The following PXDNL variants were observed in gnomAD, a reference collection of about 807,000 sequenced individuals.
PXDNL encodes peroxidasin like.
A neutral mutation model predicts 150.8 loss-of-function variants in PXDNL; 145 were observed. That is an observed-to-expected ratio of 0.96 (90% CI 0.84 to 1.10). The LOEUF is 1.10. PXDNL is among the 50% of genes least tolerant of loss of function. PXDNL has a pLI of 0.00. For synonymous variants in PXDNL, 757 were observed against 725.7 expected (o/e 1.04, Z -0.69); for missense variants, 2,087 against 1,873.9 (o/e 1.11, Z -2.10).
chr8:51,570,701 T>C (rs1366619864), intron 3 of PXDNL, among the ~76,000 whole-genome samples: 1 of 151,914 alleles, frequency 6.6e-6, no homozygotes, highest in African/African-American at 2.4e-5. Context: ...CTAACAATAG[T>C]GTATACTTAT....
Position 51,779,883 on chromosome 8 carries a change from C to T in PXDNL, c.164+29298G>A, listed in dbSNP as rs183284445. 5.9e-5 allele frequency among the ~76,000 whole-genome samples: 9 copies of T among 152,320 alleles called. No individual in the cohort carries two copies. The East Asian group carries it at 1.2e-3, about 20-fold the overall frequency. On this transcript the variant is annotated intron_variant, in intron 1 of 22. Coordinates refer to ENST00000356297, the MANE Select transcript of PXDNL (RefSeq NM_144651.5). The stretch of plus-strand genomic sequence containing the variant: ...CTGGCTTTTCAAAGCACTGTTCCCA[C>T]ACTCACACTGTAGTCACCAGACAGC...
At chr8:51,463,882 C>A (rs933718494) in intron 8 of PXDNL, among the ~76,000 whole-genome samples, 1 of 152,062 alleles carries the variant, frequency 6.6e-6, no homozygotes, top group East Asian at 1.9e-4. Context: ...TCAAAAAATT[C>A]TTTGAAATTC....
chr8:51,656,052 T>C (rs1327985355), intron 1 of PXDNL, among the ~76,000 whole-genome samples: 4 of 152,142 alleles, frequency 2.6e-5, no homozygotes, highest in Non-Finnish European at 5.9e-5. Context: ...TGCTTGGAAA[T>C]GTTAGGCCCA....
chr8:51,603,269 G>T (rs960587627), intron 2 of PXDNL, among the ~76,000 whole-genome samples: 1 of 151,242 alleles, frequency 6.6e-6, no homozygotes, highest in Non-Finnish European at 1.5e-5. Flanking sequence ...GTAAATTTTA[G>T]GAACATCCGT....
chr8:51,609,244 A>T (rs113289022), intron 2 of PXDNL, among the ~76,000 whole-genome samples: 4,376 of 152,346 alleles, frequency 0.029, 134 homozygotes, highest in African/African-American at 0.075. Context: ...AAAAAGTAAT[A>T]ACAACTGATA....
In PXDNL at chr8:51,409,896, C is replaced by T. The variant is rs150121638; in HGVS notation, c.2063-335G>A. ...GACCCGGGATTACTTTTGTGCTGTT[C>T]ATCCTGTAAACAATGGCTAGCTGCT... On this transcript the variant is annotated intron_variant, in intron 16 of 22. Coordinates refer to ENST00000356297, the MANE Select transcript of PXDNL (RefSeq NM_144651.5). Among the ~76,000 whole-genome samples the T allele has an allele frequency of 1.8e-3, 275 of 152,192 alleles. 2 individuals are homozygous for T. Among genetic ancestry groups the T allele is most frequent in the Non-Finnish European group, 2.2e-3 (151 of 68,014 alleles).
At position 51,319,942 on chromosome 8, in the gene PXDNL, A is replaced by G; in HGVS notation, c.4341T>C (p.Cys1447=). 1 of 1,578,812 alleles carries G rather than the reference A, an allele frequency of 6.3e-7. No individual in the cohort carries two copies. The change falls in exon 23 of 23, where the codon TGT becomes TGC. Residue 1447 remains cysteine (C), a synonymous_variant. Coordinates refer to ENST00000356297, the MANE Select transcript of PXDNL (RefSeq NM_144651.5). ...GCATTCCTCGGTCTCTGCAAACTGGACAGCAGGTTCCTTTCACCAATTCAG... is the reference window on the plus strand; with the variant it reads ...GCATTCCTCGGTCTCTGCAAACTGGGCAGCAGGTTCCTTTCACCAATTCAG... ...PSPELVKGTC[C]PVCRDRGMPS... is the part of the protein sequence containing the mutation.
chr8:51,331,501 G>A (rs1173441042), intron 21 of PXDNL, among the ~76,000 whole-genome samples: 2 of 152,286 alleles, frequency 1.3e-5, no homozygotes, highest in South Asian at 2.1e-4. Flanking sequence ...TGGGGAGGGC[G>A]TGAATCCGGC....
chr8:51,697,287 G>A (rs1184883162), intron 1 of PXDNL, among the ~76,000 whole-genome samples: 3 of 145,220 alleles, frequency 2.1e-5, no homozygotes, highest in Non-Finnish European at 4.5e-5. Context: ...CTGGGCGACA[G>A]AGCAAGACTC....
chr8:51,536,701 T>C (rs1445031035), intron 4 of PXDNL, among the ~76,000 whole-genome samples: 3 of 152,110 alleles, frequency 2.0e-5, no homozygotes, highest in Non-Finnish European at 4.4e-5. Context: ...ACAAATTTCA[T>C]TCAATTTTCA....
In PXDNL at chr8:51,411,346, C is replaced by T. The variant is rs753518395; in HGVS notation, c.1966G>A (p.Val656Met). The T allele has an allele frequency of 8.8e-6, 14 of 1,589,438 alleles. No homozygotes were observed. In the South Asian group the frequency reaches 1.2e-4, roughly 13 times the overall value. Reference sequence around the variant, plus strand: ...ATCTCCCCTGCTCTTGCCATTTCCACAATCAGTGGGTCACGCGGGTAATGA... The same window carrying T: ...ATCTCCCCTGCTCTTGCCATTTCCATAATCAGTGGGTCACGCGGGTAATGA... ...QFHYPRDPLI[V>M]EMARAGEIFE... Residue 656 changes from valine (V) to methionine (M), a missense_variant, in exon 16 of 23, where the codon GTG (valine) becomes ATG (methionine). Val to Met is a conservative substitution (Grantham distance 21). Coordinates refer to ENST00000356297, the MANE Select transcript of PXDNL (RefSeq NM_144651.5).
At chr8:51,796,424 T>C (rs923691392) in intron 1 of PXDNL, among the ~76,000 whole-genome samples, 4 of 148,730 alleles carry the variant, frequency 2.7e-5, no homozygotes, top group Non-Finnish European at 5.9e-5. Context: ...AATAGACTAC[T>C]AGCTAGACTA....
intron 11 of PXDNL, 23 bp downstream of exon 11, chr8:51,448,979 A>G: frequency 1.6e-6 from 2 of 1,264,746 alleles, no homozygotes; most frequent in Non-Finnish European, 1.1e-6. Flanking sequence ...TTTCCCCACA[A>G]TTACCTGCAG....
chr8:51,808,666 C>G (rs1389453117), intron 1 of PXDNL, among the ~76,000 whole-genome samples: 1 of 152,172 alleles, frequency 6.6e-6, no homozygotes, highest in Non-Finnish European at 1.5e-5. Flanking sequence ...ATTTGAGGGT[C>G]TGTTCTGGAG....
chr8:51,556,219 G>A (rs1003929777), intron 4 of PXDNL, among the ~76,000 whole-genome samples: 4 of 151,836 alleles, frequency 2.6e-5, no homozygotes, highest in African/African-American at 7.3e-5. Flanking sequence ...AGCTGTGATG[G>A]GACAACTGCA....
At chr8:51,715,296 C>T (rs1455080180) in intron 1 of PXDNL, among the ~76,000 whole-genome samples, 2 of 152,098 alleles carry the variant, frequency 1.3e-5, no homozygotes, top group African/African-American at 4.8e-5. Context: ...ATCAAAACCA[C>T]GATAAGATAC....
Position 51,404,159 on chromosome 8 carries a change from G to A in PXDNL, c.3557+3908C>T, listed in dbSNP as rs182022910. Among the ~76,000 whole-genome samples, 303 of 152,336 alleles carry A rather than the reference G, an allele frequency of 2.0e-3. 1 individual carries two copies. Among genetic ancestry groups the A allele is most frequent in the Non-Finnish European group, 3.3e-3 (225 of 68,018 alleles). On this transcript the variant is annotated intron_variant, in intron 17 of 22. Transcript: ENST00000356297. ...GTGAGTGTTTCAGCTCATAAAGGCA[G>A]TGTGAACCCAAAGAGTAAGCAGCAG...
At chr8:51,593,448 C>A (rs1460704810) in intron 2 of PXDNL, among the ~76,000 whole-genome samples, 2 of 152,146 alleles carry the variant, frequency 1.3e-5, no homozygotes, top group African/African-American at 4.8e-5. Flanking sequence ...TAGATTGGCA[C>A]ACATGTTCCT....
At chr8:51,760,291 G>A (rs2037147524) in intron 1 of PXDNL, among the ~76,000 whole-genome samples, 1 of 151,818 alleles carries the variant, frequency 6.6e-6, no homozygotes, top group Admixed American at 6.6e-5. Flanking sequence ...TGCTAGACCA[G>A]TAGGAAGGAA....
Sources: allele counts gnomAD v4.1 joint callset (sites outside exome capture counted in the v4.1 genomes callset), GRCh38; gene constraint gnomAD v4.1.1; transcripts MANE v1.5; gene names NCBI Gene and HGNC (gene_info 2026-07-23, HGNC 2026-07-21).